The following CCDC83 variants were observed in gnomAD, a reference collection of about 807,000 sequenced individuals.
CCDC83 encodes coiled-coil domain containing 83, also known as coiled-coil domain-containing protein 83.
A neutral mutation model predicts 50.1 loss-of-function variants in CCDC83; 54 were observed. The observed-to-expected ratio is 1.08, with a 90% CI of 0.87 to 1.35. CCDC83 has a LOEUF of 1.35. Among genes scored for constraint, CCDC83 ranks in the 40% most tolerant of loss-of-function variants. The pLI is 0.00. For synonymous variants in CCDC83, 161 were observed against 153.3 expected (o/e 1.05, Z -0.37); for missense variants, 518 against 473.9 (o/e 1.09, Z -0.86).
At chr11:85,917,213 A>AGGAAGAAAGAGAGAAAGAAAGAAAGAAG (rs2093485105) in intron 10 of CCDC83, among the ~76,000 whole-genome samples, 1 of 115,070 alleles carries the variant, frequency 8.7e-6, no homozygotes, top group African/African-American at 3.3e-5. Flanking sequence ...AAAGAAGGAA[A>AGGAAGAAAGAGAGAAAGAAAGAAAGAAG]GAAAGAAAGA....
intron 5 of CCDC83, among the ~76,000 whole-genome samples, chr11:85,889,848 T>C (rs532386202): frequency 1.3e-5 from 2 of 152,294 alleles, no homozygotes; most frequent in African/African-American, 4.8e-5. Flanking sequence ...TTAAAACTTT[T>C]TAAAGTCTCA....
At chr11:85,909,050 C>T (rs1278725200) in intron 7 of CCDC83, among the ~76,000 whole-genome samples, 1 of 152,226 alleles carries the variant, frequency 6.6e-6, no homozygotes, top group African/African-American at 2.4e-5. Context: ...CCTCCCGCCT[C>T]AGTCTCTCAA....
chr11:85,897,712 G>C (rs938652188), intron 6 of CCDC83, among the ~76,000 whole-genome samples: 2 of 152,174 alleles, frequency 1.3e-5, no homozygotes, highest in African/African-American at 4.8e-5. Flanking sequence ...TCTTGCTTTT[G>C]TCCACATGAA....
At chr11:85,902,986 C>T (rs531480825) in intron 7 of CCDC83, among the ~76,000 whole-genome samples, 5 of 152,140 alleles carry the variant, frequency 3.3e-5, no homozygotes, top group Admixed American at 3.3e-4. Flanking sequence ...AATCCCAACA[C>T]TTTGGGAGGC....
intron 7 of CCDC83, among the ~76,000 whole-genome samples, chr11:85,904,071 T>G (rs1485923551): frequency 6.6e-6 from 1 of 152,092 alleles, no homozygotes; most frequent in Non-Finnish European, 1.5e-5. Flanking sequence ...CTTGTCAATC[T>G]TCTGCATAAA....
intron 1 of CCDC83, among the ~76,000 whole-genome samples, chr11:85,864,351 T>A (rs950230537): frequency 5.9e-5 from 9 of 152,248 alleles, no homozygotes; most frequent in African/African-American, 2.2e-4. Flanking sequence ...AAAAATGTGT[T>A]AAGGAAGACT....
chr11:85,917,170 A>AGAGAGAGAGAGAG (rs1565160046), intron 10 of CCDC83, among the ~76,000 whole-genome samples: 10 of 58,974 alleles, frequency 1.7e-4, no homozygotes, highest in African/African-American at 5.7e-4. Flanking sequence ...GAGAGAGAGA[A>AGAGAGAGAGAGAG]AGAAAGAAAG....
At chr11:85,910,981 G>A (rs993453234) in intron 7 of CCDC83, among the ~76,000 whole-genome samples, 1 of 152,080 alleles carries the variant, frequency 6.6e-6, no homozygotes, top group Non-Finnish European at 1.5e-5. Context: ...ACACCAGCCT[G>A]ACCAACATGG....
chr11:85,875,717 G>T (rs1001341803), intron 3 of CCDC83, among the ~76,000 whole-genome samples: 3 of 152,118 alleles, frequency 2.0e-5, no homozygotes, highest in African/African-American at 7.2e-5. Context: ...ATGTTTTGAG[G>T]TCATAGATAT....
intron 2 of CCDC83, among the ~76,000 whole-genome samples, chr11:85,868,261 C>A (rs11234454): frequency 0.57 from 87,389 of 152,056 alleles, 25,430 homozygotes; most frequent in African/African-American, 0.61. Flanking sequence ...TCTTGCCCCC[C>A]GTTTTCTACA....
chr11:85,910,296 G>A (rs1409187301), intron 7 of CCDC83, among the ~76,000 whole-genome samples: 1 of 152,234 alleles, frequency 6.6e-6, no homozygotes, highest in African/African-American at 2.4e-5. Context: ...GATCCTTGAA[G>A]GTTACTACAC....
rs145881064 is a variant in CCDC83, at chr11:85,859,286, T to G, written c.-29+3702T>G. On this transcript the variant is annotated intron_variant, in intron 1 of 10. Coordinates refer to ENST00000342404, the MANE Select transcript of CCDC83 (RefSeq NM_001286159.2). The stretch of plus-strand genomic sequence containing the variant: ...TGAACACAAACAAATGGAAAAACAT[T>G]CAATGTCATTTTTCATGGAATTAAA... Among the ~76,000 whole-genome samples, 30 of 151,656 alleles carry G rather than the reference T, an allele frequency of 2.0e-4. 1 individual carries two copies. The East Asian group carries it at 5.2e-3, about 26-fold the overall frequency.
chr11:85,868,032 G>A (rs910580309), intron 2 of CCDC83, among the ~76,000 whole-genome samples: 2 of 152,132 alleles, frequency 1.3e-5, no homozygotes, highest in African/African-American at 4.8e-5. Flanking sequence ...GAGTTCCCTG[G>A]CGCCTCTTAT....
At chr11:85,866,393 T>TA (rs35225138) in intron 2 of CCDC83, among the ~76,000 whole-genome samples, 1 of 151,802 alleles carries the variant, frequency 6.6e-6, no homozygotes, top group African/African-American at 2.4e-5. Flanking sequence ...ATTTGAGCTT[T>TA]AAAAAAAATG....
rs1554983121 is a variant in CCDC83, at chr11:85,895,268, T to TTC, written c.512-24_512-23insCT. The stretch of plus-strand genomic sequence containing the variant: ...CTTGATAAGGCTTTTAATTTTCTTT[T>TTC]TTTTTTTTTTTTTTTTTTTTAAAGA... On this transcript the variant is annotated intron_variant, in intron 5 of 10. Coordinates refer to ENST00000342404, the MANE Select transcript of CCDC83 (RefSeq NM_001286159.2). The TTC allele has an allele frequency of 1.6e-3, 904 of 550,894 alleles. 10 individuals carry two copies. In the African/African-American group the frequency reaches 0.029, roughly 17 times the overall value. 34.1% of individuals were successfully genotyped at this position (550,894 alleles called of 1,614,324 possible).
rs145897343 is a variant in CCDC83 at position 85,867,982 on chromosome 11, CA to C, written c.95+2766del. ...GAACTGTTGTCACATGACACATAGC[CA>C]AGACATTTCCTCTCACCATCTGAGG... On this transcript the variant is annotated intron_variant, in intron 2 of 10. Transcript: ENST00000342404. Among the ~76,000 whole-genome samples the C allele has an allele frequency of 2.4e-3, 361 of 152,254 alleles. 1 individual carries two copies. The highest frequency in any genetic ancestry group is 8.5e-3 in the African/African-American group (354 of 41,546).
At position 85,917,191 on chromosome 11, in the gene CCDC83, AGAGAAAGAAAGAAAGAAG is replaced by A. The variant is rs1165698754; in HGVS notation, c.1080+961_1080+978del. ...GAGAAAGAAAGAAAGAAAGAAAGAA[AGAGAAAGAAAGAAAGAAG>A]GAAAGAAAGAAAGAAAGAAAGAAAA... is the stretch of plus-strand genomic sequence containing the variant. On this transcript the variant is annotated intron_variant, in intron 10 of 10. Coordinates refer to ENST00000342404, the MANE Select transcript of CCDC83 (RefSeq NM_001286159.2). Among the ~76,000 whole-genome samples the A allele has an allele frequency of 2.4e-4, 20 of 84,824 alleles. 2 individuals carry two copies. The highest frequency in any genetic ancestry group is 5.8e-4 in the African/African-American group (11 of 18,948). The allele number at this position is 84,824 out of a possible 152,430, so 55.6% of individuals were successfully genotyped here. A position where few individuals can be genotyped will look rare whatever the true frequency, so the allele number is the denominator to read the frequency against.
intron 5 of CCDC83, among the ~76,000 whole-genome samples, chr11:85,893,502 A>C (rs1476650182): frequency 6.6e-6 from 1 of 152,140 alleles, no homozygotes; most frequent in Non-Finnish European, 1.5e-5. Flanking sequence ...TTCCCTTTGA[A>C]ACAACGCCCT....
At chr11:85,858,536 C>A (rs567492560) in intron 1 of CCDC83, among the ~76,000 whole-genome samples, 1 of 152,310 alleles carries the variant, frequency 6.6e-6, no homozygotes, top group African/African-American at 2.4e-5. Context: ...CTGCTGCATC[C>A]CTCATACTGT....
Sources: allele counts gnomAD v4.1 joint callset (sites outside exome capture counted in the v4.1 genomes callset), GRCh38; gene constraint gnomAD v4.1.1; transcripts MANE v1.5; gene names NCBI Gene and HGNC (gene_info 2026-07-23, HGNC 2026-07-21).